AKAP19: variants seen among roughly 807,000 people sequenced by gnomAD.
AKAP19 encodes A-kinase anchoring protein 19.
chr2:190,200,229 T>G, the AKAP19 span: 1 of 1,081,416 alleles, frequency 9.2e-7, no homozygotes, highest in Admixed American at 2.0e-5. Flanking sequence ...TGTGAAAAAG[T>G]ACAAATAACT....
At chr2:189,986,411 A>G in the AKAP19 span, among the ~76,000 whole-genome samples, 1 of 148,806 alleles carries the variant, frequency 6.7e-6, no homozygotes, top group Non-Finnish European at 1.5e-5. Context: ...AACACAAAAA[A>G]GAAAAACAAA....
At chr2:190,084,208 TCAGCCTCCCA>T in the AKAP19 span, among the ~76,000 whole-genome samples, 1 of 150,966 alleles carries the variant, frequency 6.6e-6, no homozygotes, top group Non-Finnish European at 1.5e-5. Context: ...TTCTTCTGCC[TCAGCCTCCCA>T]CGTACCTGGG....
At chr2:189,923,409 C>T in the AKAP19 span, 1 of 1,613,492 alleles carries the variant, frequency 6.2e-7, no homozygotes, top group South Asian at 1.1e-5. Flanking sequence ...AATCTCAACA[C>T]TCTTGTGGTC....
the AKAP19 span, among the ~76,000 whole-genome samples, chr2:190,163,102 G>T: frequency 1.3e-5 from 2 of 152,114 alleles, no homozygotes; most frequent in Admixed American, 6.5e-5. Flanking sequence ...TTAGAAATTA[G>T]ATTTTTATTA....
At chr2:189,906,438 C>G in the AKAP19 span, among the ~76,000 whole-genome samples, 13 of 152,080 alleles carry the variant, frequency 8.5e-5, no homozygotes, top group East Asian at 9.6e-4. Context: ...TAACTGGGAA[C>G]AGTTATGTTC....
chr2:190,017,084 G>A, the AKAP19 span, among the ~76,000 whole-genome samples: 1 of 152,018 alleles, frequency 6.6e-6, no homozygotes, highest in African/African-American at 2.4e-5. Flanking sequence ...GTTTTATCTG[G>A]TATAAGTATG....
At chr2:190,067,694 C>G in the AKAP19 span, among the ~76,000 whole-genome samples, 1 of 152,126 alleles carries the variant, frequency 6.6e-6, no homozygotes, top group Non-Finnish European at 1.5e-5. Flanking sequence ...TATTCATACT[C>G]TGGCAATCCT....
chr2:189,902,406 G>A, the AKAP19 span, among the ~76,000 whole-genome samples: 2 of 151,696 alleles, frequency 1.3e-5, no homozygotes, highest in Admixed American at 6.6e-5. Context: ...TAAGAAGTTT[G>A]GCATAATTAC....
At chr2:190,020,319 T>A in the AKAP19 span, among the ~76,000 whole-genome samples, 1 of 152,204 alleles carries the variant, frequency 6.6e-6, no homozygotes, top group African/African-American at 2.4e-5. Context: ...GTGTATCAAA[T>A]CTTTATACTA....
chr2:190,084,920 G>C, the AKAP19 span, among the ~76,000 whole-genome samples: 1 of 152,224 alleles, frequency 6.6e-6, no homozygotes, highest in East Asian at 1.9e-4. Context: ...GATGCATATA[G>C]TGCATTGAAA....
chr2:190,043,702 G>T, the AKAP19 span, among the ~76,000 whole-genome samples: 1 of 152,164 alleles, frequency 6.6e-6, no homozygotes, highest in African/African-American at 2.4e-5. Flanking sequence ...ATGCCAGCCA[G>T]TTCAGTCTGG....
chr2:189,938,275 G>A, the AKAP19 span, among the ~76,000 whole-genome samples: 34 of 151,366 alleles, frequency 2.2e-4, 1 homozygote, highest in East Asian at 5.4e-3. Context: ...AGTAGAGGTT[G>A]CTGTGAGCCG....
chr2:190,097,345 T>C, the AKAP19 span, among the ~76,000 whole-genome samples: 2 of 152,244 alleles, frequency 1.3e-5, no homozygotes, highest in East Asian at 3.9e-4. Flanking sequence ...TGTTCCTGCA[T>C]TAGTTTGCTG....
the AKAP19 span, among the ~76,000 whole-genome samples, chr2:189,998,360 G>A: frequency 4.7e-4 from 72 of 152,208 alleles, no homozygotes; most frequent in African/African-American, 1.7e-3. Context: ...CCGTCTGATA[G>A]ATTTAACTAG....
chr2:190,023,608 G>A, the AKAP19 span, among the ~76,000 whole-genome samples: 1 of 151,630 alleles, frequency 6.6e-6, no homozygotes, highest in African/African-American at 2.4e-5. Flanking sequence ...TTATTCCAGT[G>A]TTCTTTTTTT....
At chr2:190,010,381 A>G in the AKAP19 span, among the ~76,000 whole-genome samples, 2 of 152,200 alleles carry the variant, frequency 1.3e-5, no homozygotes, top group African/African-American at 4.8e-5. Context: ...AGGTGCTATG[A>G]CTTGAGAGAT....
chr2:190,037,934 T>C, the AKAP19 span, among the ~76,000 whole-genome samples: 2 of 152,198 alleles, frequency 1.3e-5, no homozygotes, highest in African/African-American at 4.8e-5. Flanking sequence ...GAAAACTGTA[T>C]GATTCCACCC....
chr2:190,011,536 T>G, the AKAP19 span, among the ~76,000 whole-genome samples: 1 of 152,232 alleles, frequency 6.6e-6, no homozygotes, highest in Non-Finnish European at 1.5e-5. Flanking sequence ...TTTTCCCATA[T>G]GTTTTCTTCT....
the AKAP19 span, among the ~76,000 whole-genome samples, chr2:190,192,452 C>CTGTGTGTGTGTGTGTGTG: frequency 4.3e-3 from 628 of 145,320 alleles, 8 homozygotes; most frequent in African/African-American, 0.015. Context: ...AATTCAGAAT[C>CTGTGTGTGTGTGTGTGTG]TGTGTGTGTG....
Sources: allele counts gnomAD v4.1 joint callset (sites outside exome capture counted in the v4.1 genomes callset), GRCh38; gene constraint gnomAD v4.1.1; transcripts MANE v1.5; gene names NCBI Gene and HGNC (gene_info 2026-07-23, HGNC 2026-07-21).